PITPNC1: variants seen among roughly 807,000 people sequenced by gnomAD.
PITPNC1 encodes phosphatidylinositol transfer protein cytoplasmic 1, also known as cytoplasmic phosphatidylinositol transfer protein 1.
PITPNC1 carries 18 observed loss-of-function variants against 44.7 expected under a neutral mutation model. That is an observed-to-expected ratio of 0.40 (90% CI 0.28 to 0.60). The LOEUF (loss-of-function observed/expected upper bound fraction) is 0.60, where lower values mean the gene tolerates loss of function less well. Among genes scored for constraint, PITPNC1 ranks in the 20% least tolerant of loss-of-function variants. The pLI, the probability that PITPNC1 is intolerant of heterozygous loss-of-function variation, is 0.39. For synonymous variants in PITPNC1, 141 were observed against 149.6 expected, an observed-to-expected ratio of 0.94 and a Z score of 0.42; for missense variants, 290 against 418.4, an observed-to-expected ratio of 0.69 and a Z score of 2.68.
chr17:67,532,729 A>T, intron 1 of PITPNC1, 73 bp from the exon 2 acceptor site: 2 of 1,262,472 alleles, frequency 1.6e-6, no homozygotes, highest in Middle Eastern at 2.7e-4. Flanking sequence ...GTGGCTTGCC[A>T]AGCTATGGTT....
At chr17:67,669,453 A>T in intron 6 of PITPNC1, 55 bp from the exon 7 acceptor site, 1 of 1,243,564 alleles carries the variant, frequency 8.0e-7, no homozygotes, top group Non-Finnish European at 1.1e-6. Flanking sequence ...CCTGACATTT[A>T]ATAATGATGG....
At chr17:67,511,872 C>A (rs2916140) in intron 1 of PITPNC1, among the ~76,000 whole-genome samples, 17,281 of 152,162 alleles carry the variant, frequency 0.11, 1,340 homozygotes, top group African/African-American at 0.23. Flanking sequence ...ACATTTTAAA[C>A]ATTTGTTTTG....
At position 67,694,746 on chromosome 17, in the gene PITPNC1, G is replaced by A. The variant is rs978833716; in HGVS notation, c.*1858G>A. 3.3e-5 allele frequency: 5 copies of A among 152,192 alleles called. No homozygotes were observed. Among genetic ancestry groups the A allele is most frequent in the African/African-American group, 1.2e-4 (5 of 41,450 alleles). The allele number at this position is 152,192 out of a possible 1,614,324, so 9.4% of individuals were successfully genotyped here. On this transcript the variant is annotated 3_prime_UTR_variant, in exon 9 of 9. Transcript: ENST00000581322. The stretch of plus-strand genomic sequence containing the variant: ...CCTTCTATGCATGGTATGGAAGCAT[G>A]ATTTTTGCTTGTGGGAAAACCTAAT...
In PITPNC1 at chr17:67,694,827, A is replaced by C. The variant is rs1197024888; in HGVS notation, c.*1939A>C. ...CCTCCCTCTCCACACAGTAGTACTTAATGAAAATGTTTTGCTTTAGAGAGC... is the reference window on the plus strand; with the variant it reads ...CCTCCCTCTCCACACAGTAGTACTTCATGAAAATGTTTTGCTTTAGAGAGC... On this transcript the variant is annotated 3_prime_UTR_variant, in exon 9 of 9. Transcript: ENST00000581322. 1.3e-5 allele frequency: 2 copies of C among 152,214 alleles called. No individual in the cohort carries two copies. The highest frequency in any genetic ancestry group is 2.9e-5 in the Non-Finnish European group (2 of 68,038). 9.4% of individuals were successfully genotyped at this position (152,214 alleles called of 1,614,324 possible).
At chr17:67,419,632 G>T (rs62084088) in intron 1 of PITPNC1, among the ~76,000 whole-genome samples, 2,843 of 152,260 alleles carry the variant, frequency 0.019, 41 homozygotes, top group Non-Finnish European at 0.029. Context: ...GAGGCCAGGC[G>T]CAGTGGCTCA....
chr17:67,394,632 G>A (rs532245418), intron 1 of PITPNC1, among the ~76,000 whole-genome samples: 1 of 152,150 alleles, frequency 6.6e-6, no homozygotes, highest in Middle Eastern at 3.2e-3. Context: ...GGCCGGGCAC[G>A]GTGGCTCACG....
chr17:67,685,923 C>T (rs1346113167), intron 8 of PITPNC1, among the ~76,000 whole-genome samples: 7 of 151,902 alleles, frequency 4.6e-5, no homozygotes, highest in East Asian at 1.9e-4. Context: ...CTCTGCCTCC[C>T]GGGTTCAAGT....
intron 8 of PITPNC1, among the ~76,000 whole-genome samples, chr17:67,681,474 G>A (rs1454020406): frequency 6.6e-6 from 1 of 151,720 alleles, no homozygotes; most frequent in Admixed American, 6.6e-5. Flanking sequence ...AGCTGGACAT[G>A]ATGGTGTGCC....
At chr17:67,571,995 G>A (rs539662624) in intron 4 of PITPNC1, among the ~76,000 whole-genome samples, 3 of 152,206 alleles carry the variant, frequency 2.0e-5, no homozygotes, top group Admixed American at 6.5e-5. Flanking sequence ...TCTGTCTGCC[G>A]TGGGTTTTTC....
rs1462481436 is a variant in PITPNC1 at position 67,694,419 on chromosome 17, T to G, written c.*1531T>G. The G allele has an allele frequency of 6.6e-6, 1 of 152,428 alleles. No individual in the cohort carries two copies. The highest frequency in any genetic ancestry group is 2.4e-5 in the African/African-American group (1 of 41,460). 9.4% of individuals were successfully genotyped at this position (152,428 alleles called of 1,614,324 possible). ...AAACAAAATAGACCAAGGAGCATAA[T>G]CTGCTTCTCTCACACAGCCTCTCTG... On this transcript the variant is annotated 3_prime_UTR_variant, in exon 9 of 9. Transcript: ENST00000581322.
intron 5 of PITPNC1, among the ~76,000 whole-genome samples, chr17:67,592,618 T>C (rs1389520701): frequency 1.3e-5 from 2 of 152,200 alleles, no homozygotes; most frequent in South Asian, 2.1e-4. Context: ...TGCACAAAGA[T>C]AGAAATAAAC....
At chr17:67,553,409 C>G (rs2040793789) in intron 3 of PITPNC1, 2 of 391,860 alleles carry the variant, frequency 5.1e-6, no homozygotes, top group South Asian at 1.8e-4. Context: ...ATCTGCCCAA[C>G]CACATAAGTA....
intron 5 of PITPNC1, among the ~76,000 whole-genome samples, chr17:67,583,173 G>A (rs2041257981): frequency 6.6e-6 from 1 of 152,210 alleles, no homozygotes; most frequent in South Asian, 2.1e-4. Flanking sequence ...AGCTGGCAGT[G>A]TGTGCAGTTT....
chr17:67,687,278 T>C, intron 8 of PITPNC1: 1 of 714,434 alleles, frequency 1.4e-6, no homozygotes, highest in Non-Finnish European at 2.5e-6. Flanking sequence ...TTCGCAACCT[T>C]CCATAGAAAC....
intron 4 of PITPNC1, among the ~76,000 whole-genome samples, chr17:67,557,078 G>T (rs1340120888): frequency 6.6e-6 from 1 of 152,176 alleles, no homozygotes; most frequent in South Asian, 2.1e-4. Flanking sequence ...AGACTTGGGG[G>T]CTTGAGCAGC....
At chr17:67,623,301 C>T (rs989446443) in intron 5 of PITPNC1, among the ~76,000 whole-genome samples, 3 of 152,164 alleles carry the variant, frequency 2.0e-5, no homozygotes, top group African/African-American at 7.2e-5. Context: ...TAAAAATCTA[C>T]ACAGCTACTA....
chr17:67,467,054 ATTTTTTTTTTT>A (rs10623552), intron 1 of PITPNC1, among the ~76,000 whole-genome samples: 2 of 95,342 alleles, frequency 2.1e-5, no homozygotes, highest in African/African-American at 3.9e-5. Flanking sequence ...CAGTTAGGAG[ATTTTTTTTTTT>A]TTTTTTTTTT....
chr17:67,425,204 CACACACACACA>C (rs1567984761), intron 1 of PITPNC1, among the ~76,000 whole-genome samples: 7 of 10,720 alleles, frequency 6.5e-4, no homozygotes, highest in Non-Finnish European at 1.3e-3. Flanking sequence ...CACGCACACG[CACACACACACA>C]CACACACACA....
intron 2 of PITPNC1, among the ~76,000 whole-genome samples, chr17:67,543,778 A>G (rs1186061208): frequency 1.3e-5 from 2 of 152,130 alleles, no homozygotes; most frequent in African/African-American, 4.8e-5. Flanking sequence ...TATATAGTAC[A>G]TTATGATGGT....
Sources: gnomAD v4.1 joint callset for allele counts (sites outside exome capture counted in the v4.1 genomes callset) on GRCh38, gnomAD v4.1.1 for gene constraint, MANE v1.5 for transcripts, NCBI Gene and HGNC (gene_info 2026-07-23, HGNC 2026-07-21) for gene names.